The following C20orf173 variants were observed in gnomAD, a reference collection of about 807,000 sequenced individuals.
C20orf173 encodes the protein uncharacterized protein C20orf173.
A neutral mutation model predicts 26.7 loss-of-function variants in C20orf173; 22 were observed. The observed-to-expected ratio is 0.82, with a 90% confidence interval of 0.59 to 1.18. The LOEUF is 1.18. C20orf173 is among the 50% of genes most tolerant of loss of function. The probability of loss-of-function intolerance (pLI) is 0.00; values close to 1 mark genes in which losing one functional copy is unlikely to be tolerated. For synonymous variants in C20orf173, 85 were observed against 96.4 expected (o/e 0.88, Z 0.69); for missense variants, 210 against 250.3 (o/e 0.84, Z 1.09).
intron 2 of C20orf173, 64 bp downstream of exon 2, chr20:35,529,001 G>A: frequency 6.5e-7 from 1 of 1,535,432 alleles, no homozygotes; most frequent in Non-Finnish European, 8.8e-7. Context: ...TGGGCGGAAA[G>A]TGGGAGATGG....
At chr20:35,521,142 A>G (rs1362554764), downstream of C20orf173, 3 of 152,672 alleles carry the variant, frequency 2.0e-5, no homozygotes, top group Admixed American at 2.0e-4. Flanking sequence ...AAACAAGGAT[A>G]CCTGAGAGAT....
rs1172052801 is a variant in C20orf173 at position 35,528,490 on chromosome 20, G to C, written c.543C>G (p.Leu181=). The C allele has an allele frequency of 3.2e-6, 5 of 1,551,626 alleles. No individual in the cohort carries two copies. Among genetic ancestry groups the C allele is most frequent in the Non-Finnish European group, 4.4e-6 (5 of 1,147,020 alleles). Reference sequence around the variant, plus strand: ...CATCTGAAGTCCACACCAGGTCAGAGAGCTTCCGCAGTAGCATCTCCAGCT... The same window carrying C: ...CATCTGAAGTCCACACCAGGTCAGACAGCTTCCGCAGTAGCATCTCCAGCT... ...WMQLEMLLRK[L]SDLVWTSDAL... is the part of the protein sequence containing the mutation. The change falls in exon 4 of 6, where the codon CTC becomes CTG. Residue 181 remains leucine, a synonymous_variant. Coordinates refer to ENST00000444723, the MANE Select transcript of C20orf173 (RefSeq NM_001145350.2).
chr20:35,523,790 G>A (rs979622745), downstream of C20orf173, among the ~76,000 whole-genome samples: 1 of 152,164 alleles, frequency 6.6e-6, no homozygotes, highest in African/African-American at 2.4e-5. Context: ...ATCCAGGCTG[G>A]GGTGGGTGAG....
intron 5 of C20orf173, among the ~76,000 whole-genome samples, chr20:35,527,722 G>A (rs1168482282): frequency 6.6e-6 from 1 of 152,076 alleles, no homozygotes; most frequent in South Asian, 2.1e-4. Context: ...GGGTTCAAGC[G>A]ATTCTTCTAC....
chr20:35,526,082 G>A (rs1800837176), downstream of C20orf173, among the ~76,000 whole-genome samples: 1 of 152,150 alleles, frequency 6.6e-6, no homozygotes, highest in Admixed American at 6.6e-5. Context: ...TAGTTTACAG[G>A]ATGATGCAAA....
chr20:35,522,724 A>G (rs1212425589), downstream of C20orf173: 3 of 152,882 alleles, frequency 2.0e-5, no homozygotes, highest in Admixed American at 2.0e-4. Flanking sequence ...AGAGCTCCAT[A>G]GAGACCTTGA....
rs1040088444 is a variant in C20orf173, at chr20:35,529,034, G to C, written c.309+31C>G. 10 of 1,542,174 alleles carry C rather than the reference G, an allele frequency of 6.5e-6. No homozygotes were observed. The African/African-American group carries it at 8.2e-5, about 13-fold the overall frequency. ...TGGGTGAGGCCCGGAAAGCATGGGGGATATGGCCGGGCCCAGTGTTGACCA... is the reference window on the plus strand; with the variant it reads ...TGGGTGAGGCCCGGAAAGCATGGGGCATATGGCCGGGCCCAGTGTTGACCA... On this transcript the variant is annotated intron_variant, in intron 2 of 5. Coordinates refer to ENST00000444723, the MANE Select transcript of C20orf173 (RefSeq NM_001145350.2).
At chr20:35,526,331 G>A (rs1006583063), downstream of C20orf173, among the ~76,000 whole-genome samples, 2 of 152,156 alleles carry the variant, frequency 1.3e-5, no homozygotes, top group Admixed American at 1.3e-4. Context: ...TGCTGCAGAA[G>A]TGACACGGTA....
At chr20:35,522,347 G>T (rs2064479978), downstream of C20orf173, 1 of 152,556 alleles carries the variant, frequency 6.6e-6, no homozygotes, top group South Asian at 2.1e-4. Context: ...TCTCTTTGGA[G>T]TTACCTCTGT....
chr20:35,525,720 T>A (rs1331171896), downstream of C20orf173, among the ~76,000 whole-genome samples: 1 of 152,192 alleles, frequency 6.6e-6, no homozygotes, highest in African/African-American at 2.4e-5. Flanking sequence ...TCCAGTGGTG[T>A]TAGCAAACTG....
At chr20:35,527,929 G>A (rs1020583049) in intron 5 of C20orf173, among the ~76,000 whole-genome samples, 3 of 152,162 alleles carry the variant, frequency 2.0e-5, no homozygotes, top group African/African-American at 7.2e-5. Flanking sequence ...TTGGGATACA[G>A]GCATGAGCCA....
intron 3 of C20orf173, 29 bp downstream of exon 3, chr20:35,528,672 C>T: frequency 6.5e-7 from 1 of 1,529,432 alleles, no homozygotes; most frequent in Non-Finnish European, 8.8e-7. Flanking sequence ...GCCTGGCCTT[C>T]CTGCTCCCGC....
chr20:35,520,840 G>A (rs1329019484), downstream of C20orf173: 1 of 152,190 alleles, frequency 6.6e-6, no homozygotes, highest in Non-Finnish European at 1.5e-5. Flanking sequence ...AATGCCACCA[G>A]AAATCCAGAG....
downstream of C20orf173, among the ~76,000 whole-genome samples, chr20:35,526,215 G>A (rs2064501432): frequency 6.6e-6 from 1 of 152,178 alleles, no homozygotes; most frequent in Non-Finnish European, 1.5e-5. Flanking sequence ...CACTGTGGTA[G>A]TCTCATTATG....
At chr20:35,526,652 C>CAAAT (rs2064504669), downstream of C20orf173, among the ~76,000 whole-genome samples, 1 of 109,950 alleles carries the variant, frequency 9.1e-6, no homozygotes, top group Non-Finnish European at 1.9e-5. Flanking sequence ...AAAAAAAAAG[C>CAAAT]GAATTGGAAC....
chr20:35,528,307 G>C, intron 4 of C20orf173, 23 bp from the exon 5 acceptor site: 1 of 1,551,902 alleles, frequency 6.4e-7, no homozygotes, highest in Non-Finnish European at 8.7e-7. Flanking sequence ...TGGAGGTGGG[G>C]GAGTTTGGGC....
Position 35,529,586 on chromosome 20 carries a change from G to C in C20orf173, c.-79C>G, listed in dbSNP as rs937808126. 1 of 579,398 alleles carries C rather than the reference G, an allele frequency of 1.7e-6. No individual in the cohort carries two copies. The highest frequency in any genetic ancestry group is 3.1e-6 in the Non-Finnish European group (1 of 325,564). The allele number at this position is 579,398 out of a possible 1,614,324, so 35.9% of individuals were successfully genotyped here. Reference sequence around the variant, plus strand: ...TCAAAACGGTCTCTGACTGGGCATGGGGTGGAAGAGGCCAGGGCAGAGAGA... The same window carrying C: ...TCAAAACGGTCTCTGACTGGGCATGCGGTGGAAGAGGCCAGGGCAGAGAGA... On this transcript the variant is annotated 5_prime_UTR_variant, in exon 1 of 6. Transcript: ENST00000444723.
At chr20:35,525,208 T>A (rs1176524556), downstream of C20orf173, among the ~76,000 whole-genome samples, 1 of 151,972 alleles carries the variant, frequency 6.6e-6, no homozygotes, top group Non-Finnish European at 1.5e-5. Context: ...TAAAATGAGA[T>A]CATGCTGGAT....
downstream of C20orf173, chr20:35,526,975 G>A (rs552391637): frequency 1.3e-5 from 2 of 152,272 alleles, no homozygotes; most frequent in East Asian, 3.9e-4. Flanking sequence ...GTGGTTACAG[G>A]TAAGACAATC....
Sources: allele counts gnomAD v4.1 joint callset (sites outside exome capture counted in the v4.1 genomes callset), GRCh38; gene constraint gnomAD v4.1.1; transcripts MANE v1.5; gene names NCBI Gene and HGNC (gene_info 2026-07-23, HGNC 2026-07-21).